Variants in PGRMC1 observed in about 807,000 individuals in gnomAD.
The protein encoded by PGRMC1 is membrane-associated progesterone receptor component 1.
For synonymous variants in PGRMC1, 73 were observed against 77.3 expected, an observed-to-expected ratio of 0.94 and a Z score of 0.29; for missense variants, 145 against 169.0, an observed-to-expected ratio of 0.86 and a Z score of 0.79.
chrX:119,237,578 C>G (rs1181867687), intron 1 of PGRMC1, among the ~76,000 whole-genome samples: 1 of 110,168 alleles, frequency 9.1e-6, no homozygotes, highest in Non-Finnish European at 1.9e-5. Context: ...GGTATTTAGT[C>G]TATAGCAGGA....
At chrX:119,237,202 C>T (rs1424440732) in intron 1 of PGRMC1, among the ~76,000 whole-genome samples, 2 of 110,691 alleles carry the variant, frequency 1.8e-5, no homozygotes, top group African/African-American at 3.3e-5. Flanking sequence ...CCAATGACAC[C>T]GGGAGTAGGT....
At chrX:119,243,089 C>T in intron 2 of PGRMC1, 62 bp from the exon 3 acceptor site, 3 of 706,983 alleles carry the variant, frequency 4.2e-6, no homozygotes, top group Non-Finnish European at 4.6e-6. Context: ...TAAATTGAAA[C>T]GTGGTAATGA....
chrX:119,243,005 G>A, intron 2 of PGRMC1, 146 bp from the exon 3 acceptor site: 1 of 509,398 alleles, frequency 2.0e-6, no homozygotes, highest in Non-Finnish European at 3.6e-6. Flanking sequence ...AAGGACGGTG[G>A]TATAAACCAC....
Position 119,236,696 on chromosome X carries a change from G to A in PGRMC1, c.328+5G>A. 8.5e-7 allele frequency: 1 copy of A among 1,175,255 alleles called. No individual in the cohort carries two copies. Among genetic ancestry groups the A allele is most frequent in the African/African-American group, 1.8e-5 (1 of 56,897 alleles). ...GCCGCAAATTCTACGGGCCCGGTAC[G>A]CGGCCGGCGAGGGGGGCTTGGAGAC... On this transcript the variant is annotated splice_donor_5th_base_variant and intron_variant, in intron 1 of 2. Coordinates refer to ENST00000217971, the MANE Select transcript of PGRMC1 (RefSeq NM_006667.5).
At chrX:119,238,768 G>T (rs985840499) in intron 1 of PGRMC1, among the ~76,000 whole-genome samples, 2 of 112,056 alleles carry the variant, frequency 1.8e-5, no homozygotes, top group Non-Finnish European at 3.8e-5. Flanking sequence ...GTGAGCCCAT[G>T]ACTACGTGAC....
intron 1 of PGRMC1, among the ~76,000 whole-genome samples, chrX:119,238,984 TC>T (rs1448425404): frequency 8.9e-6 from 1 of 112,483 alleles, no homozygotes; most frequent in African/African-American, 3.2e-5. Context: ...CTTTTAATGT[TC>T]CCACTAGAGA....
chrX:119,243,240 C>A lies in PGRMC1; in HGVS notation c.574C>A (p.Arg192=). 8.5e-7 allele frequency: 1 copy of A among 1,173,819 alleles called. No individual in the cohort carries two copies. The highest frequency in any genetic ancestry group is 1.2e-6 in the Non-Finnish European group (1 of 861,073). ...DEEEPKDESA[R]KND ...GGAAGAACCAAAAGATGAGAGTGCC[C>A]GGAAAAATGATTAAAGCATTCAGTG... Residue 192 remains arginine, a synonymous_variant, in exon 3 of 3, where the codon CGG becomes AGG. Coordinates refer to ENST00000217971, the MANE Select transcript of PGRMC1 (RefSeq NM_006667.5).
intron 2 of PGRMC1, among the ~76,000 whole-genome samples, chrX:119,241,275 T>C (rs192435995): frequency 8.9e-6 from 1 of 112,563 alleles, no homozygotes; most frequent in East Asian, 2.8e-4. Flanking sequence ...CATGTTCTCT[T>C]GGCTATATCC....
chrX:119,240,119 T>G (rs746274464), intron 1 of PGRMC1, among the ~76,000 whole-genome samples, 190 bp from the exon 2 acceptor site: 5 of 112,550 alleles, frequency 4.4e-5, no homozygotes, highest in Admixed American at 9.4e-5. Flanking sequence ...TATTTAAAAG[T>G]TAAATGACAA....
At chrX:119,237,107 C>A (rs1053997519) in intron 1 of PGRMC1, among the ~76,000 whole-genome samples, 1 of 109,168 alleles carries the variant, frequency 9.2e-6, no homozygotes, top group African/African-American at 3.4e-5. Context: ...GTGTCGGGTT[C>A]TAGGAAGGAA....
At chrX:119,242,849 CTGA>C (rs41295160) in intron 2 of PGRMC1, among the ~76,000 whole-genome samples, 4,686 of 112,093 alleles carry the variant, frequency 0.042, 261 homozygotes, top group African/African-American at 0.14. Flanking sequence ...TGTAACCCTT[CTGA>C]TGAACTCATC....
intron 1 of PGRMC1, among the ~76,000 whole-genome samples, chrX:119,240,008 A>T (rs1299528219): frequency 8.9e-6 from 1 of 112,060 alleles, no homozygotes; most frequent in Non-Finnish European, 1.9e-5. Context: ...CCCTACTACC[A>T]CTACCCCAAG....
Position 119,240,313 on chromosome X carries a change from G to A in PGRMC1, c.333G>A (p.Gly111=), listed in dbSNP as rs202004948. Residue 111 remains glycine, a synonymous_variant, in exon 2 of 3, where the codon GGG becomes GGA. Transcript: ENST00000217971. ...TCTTTGGTTTTGTTTTTGAAGAGGG[G>A]CCGTATGGGGTCTTTGCTGGAAGAG... ...TKGRKFYGPE[G]PYGVFAGRDA... 3.7e-5 allele frequency: 45 copies of A among 1,208,377 alleles called. No individual in the cohort carries two copies. Among genetic ancestry groups the A allele is most frequent in the Admixed American group, 1.5e-4 (7 of 45,711 alleles).
chrX:119,238,426 A>G (rs942177709), intron 1 of PGRMC1, among the ~76,000 whole-genome samples: 2 of 111,972 alleles, frequency 1.8e-5, no homozygotes, highest in African/African-American at 6.5e-5. Flanking sequence ...CACATACATT[A>G]TTTGTCACTT....
intron 2 of PGRMC1, among the ~76,000 whole-genome samples, 186 bp from the exon 3 acceptor site, chrX:119,242,965 T>C (rs1226461960): frequency 8.9e-6 from 1 of 112,765 alleles, no homozygotes; most frequent in African/African-American, 3.2e-5. Flanking sequence ...TATATGTCTG[T>C]CTTCTGAACA....
rs929644189 is a variant in PGRMC1, at chrX:119,243,934, G to A, written c.*680G>A. 2 of 112,244 alleles carry A rather than the reference G, an allele frequency of 1.8e-5. No homozygotes were observed. The highest frequency in any genetic ancestry group is 6.5e-5 in the African/African-American group (2 of 30,858). 9.3% of individuals were successfully genotyped at this position (112,244 alleles called of 1,213,427 possible). ...TTCAAAAGAAAGCTTTGGAAAAAAA[G>A]AGCTGGCTGGCCTAAAAACCTAAAT... On this transcript the variant is annotated 3_prime_UTR_variant, in exon 3 of 3. Coordinates refer to ENST00000217971, the MANE Select transcript of PGRMC1 (RefSeq NM_006667.5).
chrX:119,238,764 C>G (rs920368649), intron 1 of PGRMC1, among the ~76,000 whole-genome samples: 1 of 111,875 alleles, frequency 8.9e-6, no homozygotes, highest in Non-Finnish European at 1.9e-5. Flanking sequence ...TTCAGTGAGC[C>G]CATGACTACG....
rs975715659 is a variant in PGRMC1, at chrX:119,239,418, A to G, written c.329-891A>G. Among the ~76,000 whole-genome samples the G allele has an allele frequency of 9.8e-5, 11 of 112,190 alleles. 1 individual carries two copies. The East Asian group carries it at 2.5e-3, about 25-fold the overall frequency. ...ATTTTAATGTCAGGGCTGCTATTCA[A>G]TCTGCCTTGGGGGAAACAACACATT... On this transcript the variant is annotated intron_variant, in intron 1 of 2. Transcript: ENST00000217971.
At chrX:119,240,485 G>C in intron 2 of PGRMC1, 21 bp downstream of exon 2, 1 of 1,172,666 alleles carries the variant, frequency 8.5e-7, no homozygotes, top group Non-Finnish European at 1.2e-6. Context: ...TTAAAATTGT[G>C]TCTGGGTCAA....
Sources: allele counts gnomAD v4.1 joint callset (sites outside exome capture counted in the v4.1 genomes callset), GRCh38; gene constraint gnomAD v4.1.1; transcripts MANE v1.5; gene names NCBI Gene and HGNC (gene_info 2026-07-23, HGNC 2026-07-21).